The following LPCAT4 variants were observed in gnomAD, a reference collection of about 807,000 sequenced individuals.
LPCAT4 encodes lysophosphatidylcholine acyltransferase 4, also known as lysophospholipid acyltransferase LPCAT4.
Under a neutral mutation model 66.5 loss-of-function variants are expected in LPCAT4, and 30 were observed. The ratio of observed to expected loss-of-function variants is 0.45; its 90% CI spans 0.34 to 0.61. The LOEUF is 0.61. Ranked by LOEUF, LPCAT4 falls within the 20% of genes least tolerant of loss-of-function variation. The probability of loss-of-function intolerance (pLI) is 0.01; values close to 1 mark genes in which losing one functional copy is unlikely to be tolerated. For synonymous variants in LPCAT4, 253 were observed against 262.1 expected (o/e 0.97, Z 0.34); for missense variants, 557 against 656.7 (o/e 0.85, Z 1.66).
In LPCAT4 at chr15:34,361,441, C is replaced by A. The variant is rs778568210; in HGVS notation, c.1102G>T (p.Asp368Tyr). Reference sequence around the variant, plus strand: ...AAGGCACCAGCCACCGTCTGAGGATCAGAGAGCTGTAGCTGCCTGGCAAAC... The same window carrying A: ...AAGGCACCAGCCACCGTCTGAGGATAAGAGAGCTGTAGCTGCCTGGCAAAC... ...EEFARQLQLS[D>Y]PQTVAGAFGY... Residue 368 changes from aspartate to tyrosine, a missense_variant, in exon 11 of 14, where the codon GAT becomes TAT. Transcript: ENST00000314891. 6.2e-7 allele frequency: 1 copy of A among 1,614,200 alleles called. No individual in the cohort carries two copies. The highest frequency in any genetic ancestry group is 1.7e-5 in the Admixed American group (1 of 60,024).
intron 12 of LPCAT4, 180 bp from the exon 13 acceptor site, chr15:34,359,925 C>T: frequency 2.5e-6 from 2 of 811,882 alleles, no homozygotes; most frequent in Non-Finnish European, 3.9e-6. Context: ...CTTCTTCCTT[C>T]TTCTTGTGCC....
rs1891015280 is a variant in LPCAT4 at position 34,364,184 on chromosome 15, C to T, written c.591+10G>A. ...GAAAGTGAGAAGATGGTCTTGAGAC[C>T]CTTACCCACCTGCGGCCACTTGCCT... On this transcript the variant is annotated intron_variant, in intron 4 of 13. Transcript: ENST00000314891. 6.2e-7 allele frequency: 1 copy of T among 1,605,902 alleles called. No individual in the cohort carries two copies. Among genetic ancestry groups the T allele is most frequent in the Non-Finnish European group, 8.5e-7 (1 of 1,172,548 alleles).
Position 34,359,507 on chromosome 15 carries a change from T to G in LPCAT4, c.1399+82A>C, listed in dbSNP as rs886313086. The stretch of plus-strand genomic sequence containing the variant: ...GATCTCCAGCACTGGCCACTAACCC[T>G]TGTTCCCTCCCAGCCCAGTGCTTTC... On this transcript the variant is annotated intron_variant, in intron 13 of 13. Transcript: ENST00000314891. 55 of 1,531,612 alleles carry G rather than the reference T, an allele frequency of 3.6e-5. No homozygotes were observed. The Admixed American group carries it at 4.7e-4, about 13-fold the overall frequency. 94.9% of individuals were successfully genotyped at this position (1,531,612 alleles called of 1,614,324 possible).
chr15:34,365,403 G>A, intron 2 of LPCAT4, 156 bp downstream of exon 2: 1 of 1,204,260 alleles, frequency 8.3e-7, no homozygotes, highest in East Asian at 2.5e-5. Context: ...TTAGAGGTGA[G>A]GTCTGGGAAC....
chr15:34,367,148 C>G lies in LPCAT4; in HGVS notation c.-48G>C. 6.8e-7 allele frequency: 1 copy of G among 1,478,416 alleles called. No individual in the cohort carries two copies. Among genetic ancestry groups the G allele is most frequent in the Non-Finnish European group, 9.0e-7 (1 of 1,110,982 alleles). 91.6% of individuals were successfully genotyped at this position (1,478,416 alleles called of 1,614,324 possible). The stretch of plus-strand genomic sequence containing the variant: ...GGCACCCCGGCCCTGGCCCCGGCCA[C>G]CACTCTGCAGAGCAGCTGCTGCTGC... On this transcript the variant is annotated 5_prime_UTR_variant, in exon 1 of 14. Coordinates refer to ENST00000314891, the MANE Select transcript of LPCAT4 (RefSeq NM_153613.3).
Position 34,367,073 on chromosome 15 carries a change from C to T in LPCAT4, c.28G>A (p.Ala10Thr). The change falls in exon 1 of 14, where the codon GCC becomes ACC. Residue 10 changes from alanine to threonine, a missense_variant. Ala to Thr is a moderately conservative substitution (Grantham distance 58). Coordinates refer to ENST00000314891, the MANE Select transcript of LPCAT4 (RefSeq NM_153613.3). ...GGTCCGGGGGTGGGATCTAGGGGGG[C>T]CCAGTCCCCCGGACTTCCCTGGCTC... is the stretch of plus-strand genomic sequence containing the variant. MSQGSPGDW[A>T]PLDPTPGPPA... is the part of the protein sequence containing the mutation. 1.3e-6 allele frequency: 2 copies of T among 1,552,984 alleles called. No individual in the cohort carries two copies. The highest frequency in any genetic ancestry group is 1.2e-5 in the South Asian group (1 of 84,380).
intron 9 of LPCAT4, 24 bp from the exon 10 acceptor site, chr15:34,362,345 T>C: frequency 6.2e-7 from 1 of 1,613,742 alleles, no homozygotes; most frequent in Non-Finnish European, 8.5e-7. Context: ...AGGGATGGGA[T>C]GGAGGGTAAG....
Position 34,359,084 on chromosome 15 carries a change from C to A in LPCAT4, c.*43G>T. The A allele has an allele frequency of 6.4e-7, 1 of 1,551,866 alleles. No individual in the cohort carries two copies. The highest frequency in any genetic ancestry group is 2.4e-5 in the East Asian group (1 of 42,512). ...ATGGGGCTGAGGCATAGGGGAGGCC[C>A]CTAGCGCTGCCCTGAGGAGGAGGGG... On this transcript the variant is annotated 3_prime_UTR_variant, in exon 14 of 14. Transcript: ENST00000314891.
At chr15:34,361,284 C>T (rs953975713) in intron 11 of LPCAT4, 116 bp downstream of exon 11, 17 of 1,524,784 alleles carry the variant, frequency 1.1e-5, no homozygotes, top group Non-Finnish European at 1.5e-5. Context: ...CTAACAACAG[C>T]TGTGAGAACA....
At position 34,360,144 on chromosome 15, in the gene LPCAT4, C is replaced by G. The variant is rs1566893253; in HGVS notation, c.1209G>C (p.Arg403Ser). The G allele has an allele frequency of 3.7e-6, 6 of 1,613,994 alleles. No homozygotes were observed. Among genetic ancestry groups the G allele is most frequent in the Middle Eastern group, 1.6e-4 (1 of 6,062 alleles). The change falls in exon 12 of 14, where the codon AGG (arginine) becomes AGC (serine). Residue 403 changes from arginine to serine, a missense_variant. Arg to Ser is a moderately radical substitution (Grantham distance 110). Around this residue, in one of 4 missense-constraint regions of LPCAT4, gnomAD observed 392 missense variants for 473.9 expected, o/e 0.83. Transcript: ENST00000314891. ...ALALAALDGG[R>S]SLEELTRLAF... ...CCAGACGAGTTAGCTCTTCCAGGCTCCTGCCCCCATCCAGAGCTGCTAGTG... is the reference window on the plus strand; with the variant it reads ...CCAGACGAGTTAGCTCTTCCAGGCTGCTGCCCCCATCCAGAGCTGCTAGTG...
Position 34,359,060 on chromosome 15 carries a change from T to C in LPCAT4, c.*67A>G. The C allele has an allele frequency of 3.1e-6, 4 of 1,279,626 alleles. No homozygotes were observed. The highest frequency in any genetic ancestry group is 1.5e-5 in the South Asian group (1 of 64,708). 79.3% of individuals were successfully genotyped at this position (1,279,626 alleles called of 1,614,324 possible). A position where few individuals can be genotyped will look rare whatever the true frequency, so the allele number is the denominator to read the frequency against. ...AACAAAATTCAAACAGGAGCAGAGATGGGGCTGAGGCATAGGGGAGGCCCC... is the reference window on the plus strand; with the variant it reads ...AACAAAATTCAAACAGGAGCAGAGACGGGGCTGAGGCATAGGGGAGGCCCC... On this transcript the variant is annotated 3_prime_UTR_variant, in exon 14 of 14. Transcript: ENST00000314891.
At chr15:34,362,074 C>T in intron 10 of LPCAT4, 122 bp downstream of exon 10, 2 of 1,282,460 alleles carry the variant, frequency 1.6e-6, no homozygotes, top group Non-Finnish European at 2.2e-6. Context: ...ATTCTATTAT[C>T]TTTCTTCCCA....
chr15:34,362,915 C>T, intron 7 of LPCAT4, 79 bp from the exon 8 acceptor site: 1 of 1,431,146 alleles, frequency 7.0e-7, no homozygotes, highest in Non-Finnish European at 9.7e-7. Context: ...CACTCCCCTT[C>T]CCCAACCCAG....
Position 34,366,999 on chromosome 15 carries a change from G to A in LPCAT4, c.102C>T (p.Leu34=), listed in dbSNP as rs1316579264. 1.3e-6 allele frequency: 2 copies of A among 1,561,952 alleles called. No individual in the cohort carries two copies. Among genetic ancestry groups the A allele is most frequent in the South Asian group, 2.3e-5 (2 of 85,422 alleles). The change falls in exon 1 of 14, where the codon CTC becomes CTT. Residue 34 remains leucine, a synonymous_variant. Transcript: ENST00000314891. ...PFVHELHLSR[L]QRVKFCLLGA... ...CCCCACACATTACCTTAACCCTCTG[G>A]AGGCGAGAGAGATGTAACTCATGCA...
chr15:34,362,220 AG>A lies in LPCAT4; in HGVS notation c.985del (p.Leu329TrpfsTer26). 6.2e-7 allele frequency: 1 copy of A among 1,613,392 alleles called. No homozygotes were observed. The highest frequency in any genetic ancestry group is 8.5e-7 in the Non-Finnish European group (1 of 1,179,902). ...KVALEPQLWE[L>X]GKVLRKAGLS... ...CCCAGCCTTCCGAAGCACTTTTCCCAGTTCCCAGAGCTGTGGTTCCAACGCC... is the reference window on the plus strand; with the variant it reads ...CCCAGCCTTCCGAAGCACTTTTCCCATTCCCAGAGCTGTGGTTCCAACGCC... On this transcript the variant is annotated frameshift_variant, in exon 10 of 14. Transcript: ENST00000314891. LOFTEE classifies it high-confidence loss of function.
At chr15:34,365,766 T>C (rs1891062430) in intron 1 of LPCAT4, 65 bp from the exon 2 acceptor site, 2 of 1,570,704 alleles carry the variant, frequency 1.3e-6, no homozygotes, top group Admixed American at 3.6e-5. Context: ...GCATCCTTCT[T>C]CCACAAAGCA....
In LPCAT4 at chr15:34,367,025, C is replaced by A. The variant is rs1207299911; in HGVS notation, c.76G>T (p.Val26Leu). The A allele has an allele frequency of 1.3e-6, 2 of 1,543,738 alleles. No homozygotes were observed. The highest frequency in any genetic ancestry group is 1.8e-6 in the Non-Finnish European group (2 of 1,138,260). ...PGPPASPNPF[V>L]HELHLSRLQR... ...AGGCGAGAGAGATGTAACTCATGCA[C>A]GAAGGGGTTGGGGGATGCTGGGGGT... Residue 26 changes from valine (V) to leucine (L), a missense_variant, in exon 1 of 14, where the codon GTG (valine) becomes TTG (leucine). Around this residue, in one of 4 missense-constraint regions of LPCAT4, gnomAD observed 94 missense variants for 71.5 expected, o/e 1.32. Coordinates refer to ENST00000314891, the MANE Select transcript of LPCAT4 (RefSeq NM_153613.3).
chr15:34,363,784 C>T lies in LPCAT4; in HGVS notation c.653-65G>A. On this transcript the variant is annotated intron_variant, in intron 5 of 13. Transcript: ENST00000314891. The surrounding 1 kb of genome is among the most constrained non-coding windows in gnomAD (Gnocchi z 4.3). ...TTAGTACACAGAAGTAGCTAGAGGGCATGAGGTATGGCAGTCTGGGACAGT... is the reference window on the plus strand; with the variant it reads ...TTAGTACACAGAAGTAGCTAGAGGGTATGAGGTATGGCAGTCTGGGACAGT... 1 of 1,571,552 alleles carries T rather than the reference C, an allele frequency of 6.4e-7. No homozygotes were observed. Among genetic ancestry groups the T allele is most frequent in the Non-Finnish European group, 8.8e-7 (1 of 1,141,448 alleles).
At chr15:34,362,067 CTATTA>C (rs1890957669) in intron 10 of LPCAT4, 124 bp downstream of exon 10, 1 of 1,230,430 alleles carries the variant, frequency 8.1e-7, no homozygotes, top group African/African-American at 1.5e-5. Flanking sequence ...TTTATTTATT[CTATTA>C]TCTTTCTTCC....
Sources: allele counts gnomAD v4.1 joint callset, GRCh38; gene constraint gnomAD v4.1.1; regional missense constraint gnomAD v4.1.1; non-coding constraint Gnocchi (gnomAD v3.1); transcripts MANE v1.5; gene names NCBI Gene and HGNC (gene_info 2026-07-23, HGNC 2026-07-21).